Variants in GLI2 observed in about 807,000 individuals in gnomAD.
The protein encoded by GLI2 is transcription activator GLI2.
A neutral mutation model predicts 78.9 loss-of-function variants in GLI2; 22 were observed. The ratio of observed to expected loss-of-function variants is 0.28; its 90% CI spans 0.20 to 0.40. GLI2 has a LOEUF of 0.40. Among genes scored for constraint, GLI2 ranks in the 10% least tolerant of loss-of-function variants. The probability of loss-of-function intolerance (pLI) is 1.00; values close to 1 mark genes in which losing one functional copy is unlikely to be tolerated. For missense variants in GLI2, 2,097 were observed against 2,213.2 expected (o/e 0.95, Z 1.05); for synonymous variants, 974 against 963.7 (o/e 1.01, Z -0.20).
chr2:120,983,158 A>G (rs1682794404), intron 11 of GLI2, among the ~76,000 whole-genome samples: 1 of 152,152 alleles, frequency 6.6e-6, no homozygotes, highest in Admixed American at 6.5e-5. Flanking sequence ...CATAATAAAT[A>G]TAATAGTGCC....
chr2:120,932,754 ATTG>A (rs1680004680), intron 3 of GLI2, among the ~76,000 whole-genome samples: 1 of 152,212 alleles, frequency 6.6e-6, no homozygotes. Flanking sequence ...AATCGTGATC[ATTG>A]TTGTTATCCT....
intron 2 of GLI2, among the ~76,000 whole-genome samples, chr2:120,909,019 G>T (rs1001390667): frequency 5.9e-5 from 9 of 152,122 alleles, no homozygotes; most frequent in African/African-American, 1.9e-4. Context: ...TGTTGTCTAT[G>T]GCTTGTGCTT....
chr2:120,740,689 C>T (rs1682507264), intron 1 of GLI2, among the ~76,000 whole-genome samples: 1 of 152,210 alleles, frequency 6.6e-6, no homozygotes, highest in African/African-American at 2.4e-5. Context: ...GCCTTTTTCA[C>T]ACGTTCACTT....
intron 3 of GLI2, among the ~76,000 whole-genome samples, chr2:120,937,032 C>T (rs1466752008): frequency 6.6e-6 from 1 of 152,198 alleles, no homozygotes; most frequent in Non-Finnish European, 1.5e-5. Context: ...TCAGGAGCCC[C>T]ATCCCTCCAT....
At chr2:120,839,944 C>T (rs1049803973) in intron 2 of GLI2, among the ~76,000 whole-genome samples, 1 of 152,310 alleles carries the variant, frequency 6.6e-6, no homozygotes, top group African/African-American at 2.4e-5. Flanking sequence ...TGTTTTCTCT[C>T]TTACAGGTTT....
chr2:120,908,685 ACATAG>A (rs1376651956), intron 2 of GLI2, among the ~76,000 whole-genome samples: 3 of 152,164 alleles, frequency 2.0e-5, no homozygotes, highest in African/African-American at 7.2e-5. Context: ...GATGGGCCAC[ACATAG>A]CATGTGCTCT....
chr2:120,765,340 G>T (rs187728521), intron 1 of GLI2, among the ~76,000 whole-genome samples: 130 of 152,374 alleles, frequency 8.5e-4, no homozygotes, highest in Middle Eastern at 3.4e-3. Context: ...CTGCACAGCC[G>T]ATGGCTGACT....
At chr2:120,797,153 T>G in intron 1 of GLI2, 138 bp from the exon 2 acceptor site, 1 of 720,190 alleles carries the variant, frequency 1.4e-6, no homozygotes, top group East Asian at 2.5e-5. Context: ...CAAAATTAAT[T>G]AAACCCTCCT....
At chr2:120,789,737 C>T (rs1684094102) in intron 1 of GLI2, among the ~76,000 whole-genome samples, 1 of 152,226 alleles carries the variant, frequency 6.6e-6, no homozygotes, top group Non-Finnish European at 1.5e-5. Context: ...TCTGTGCATA[C>T]AAAGGAGTTG....
intron 3 of GLI2, among the ~76,000 whole-genome samples, chr2:120,929,536 T>C (rs1278193115): frequency 6.6e-6 from 1 of 152,226 alleles, no homozygotes; most frequent in Non-Finnish European, 1.5e-5. Context: ...CACATTTCTT[T>C]GTATATTTGG....
intron 2 of GLI2, among the ~76,000 whole-genome samples, chr2:120,915,182 G>C (rs547896512): frequency 2.6e-5 from 4 of 152,148 alleles, no homozygotes; most frequent in Admixed American, 6.5e-5. Context: ...TCTCTCTTTC[G>C]GCAGCTAATT....
intron 8 of GLI2, 155 bp from the exon 9 acceptor site, chr2:120,974,820 T>C (rs1682369248): frequency 2.1e-6 from 2 of 961,832 alleles, no homozygotes; most frequent in East Asian, 2.4e-5. Context: ...GCATGTGTTG[T>C]GTGTGTGCAC....
chr2:120,907,632 T>G (rs1157241140), intron 2 of GLI2, among the ~76,000 whole-genome samples: 2 of 152,318 alleles, frequency 1.3e-5, no homozygotes, highest in East Asian at 3.9e-4. Flanking sequence ...TGCTTAAGGC[T>G]GCAAGCTGGA....
chr2:120,798,874 C>T (rs1329480075), intron 2 of GLI2, among the ~76,000 whole-genome samples: 1 of 152,210 alleles, frequency 6.6e-6, no homozygotes, highest in Non-Finnish European at 1.5e-5. Context: ...TGCCCCTCTG[C>T]CCATGCTCTG....
chr2:120,917,544 C>T (rs1398619464), intron 2 of GLI2, among the ~76,000 whole-genome samples: 2 of 152,260 alleles, frequency 1.3e-5, no homozygotes, highest in Admixed American at 6.5e-5. Flanking sequence ...CCATGCGCCC[C>T]CTTTCCTGGA....
chr2:120,760,708 C>T (rs1683188731), intron 1 of GLI2, among the ~76,000 whole-genome samples: 1 of 152,198 alleles, frequency 6.6e-6, no homozygotes, highest in South Asian at 2.1e-4. Context: ...TCCAGTGGCT[C>T]AGGCCTCGTC....
intron 2 of GLI2, among the ~76,000 whole-genome samples, chr2:120,857,944 C>T (rs1453860938): frequency 3.9e-5 from 6 of 152,170 alleles, no homozygotes; most frequent in Admixed American, 1.3e-4. Context: ...CTAATTCCCT[C>T]GCACCTTTCT....
At chr2:120,754,963 T>A (rs1039572374) in intron 1 of GLI2, among the ~76,000 whole-genome samples, 16 of 152,100 alleles carry the variant, frequency 1.1e-4, no homozygotes, top group African/African-American at 3.9e-4. Flanking sequence ...AGGATTCTCC[T>A]GCCTCAGCCT....
chr2:120,976,117 TCTATAAAGATGAACCCA>T (rs1682446226), intron 9 of GLI2, among the ~76,000 whole-genome samples: 1 of 152,162 alleles, frequency 6.6e-6, no homozygotes, highest in South Asian at 2.1e-4. Context: ...TGAGTGAGTG[TCTATAAAGATGAACCCA>T]CTAAATTAGT....
Sources: gnomAD v4.1 joint callset for allele counts (sites outside exome capture counted in the v4.1 genomes callset) on GRCh38, gnomAD v4.1.1 for gene constraint, MANE v1.5 for transcripts, NCBI Gene and HGNC (gene_info 2026-07-23, HGNC 2026-07-21) for gene names.